SYT10: variants seen among roughly 807,000 people sequenced by gnomAD.
SYT10 encodes synaptotagmin-10.
Under a neutral mutation model 51.1 loss-of-function variants are expected in SYT10, and 31 were observed. The ratio of observed to expected loss-of-function variants is 0.61; its 90% CI spans 0.46 to 0.82. The LOEUF (loss-of-function observed/expected upper bound fraction) is 0.82. Ranked by LOEUF, SYT10 falls within the 40% of genes least tolerant of loss-of-function variation. The pLI is 0.00. For synonymous variants in SYT10, 233 were observed against 225.9 expected (o/e 1.03, Z -0.28); for missense variants, 603 against 634.0 (o/e 0.95, Z 0.53).
chr12:33,419,042 A>T (rs1306362317), intron 2 of SYT10, among the ~76,000 whole-genome samples: 2 of 152,026 alleles, frequency 1.3e-5, no homozygotes, highest in Non-Finnish European at 2.9e-5. Flanking sequence ...GGGCCTTTGC[A>T]GTGCCTGCCT....
chr12:33,403,624 C>T, intron 3 of SYT10, among the ~76,000 whole-genome samples: 1 of 152,134 alleles, frequency 6.6e-6, no homozygotes, highest in East Asian at 1.9e-4. Context: ...CTGTAGGTTT[C>T]CGCAGGACTT....
rs1866668844 is a variant in SYT10 at position 33,439,672 on chromosome 12, G to A, written c.-150C>T. The A allele has an allele frequency of 1.0e-6, 1 of 962,192 alleles. No individual in the cohort carries two copies. The highest frequency in any genetic ancestry group is 1.7e-5 in the African/African-American group (1 of 59,972). 59.6% of individuals were successfully genotyped at this position (962,192 alleles called of 1,614,324 possible). On this transcript the variant is annotated 5_prime_UTR_variant, in exon 1 of 7. Coordinates refer to ENST00000228567, the MANE Select transcript of SYT10 (RefSeq NM_198992.4). ...GCCGCTGAGAGCCGGCAACTCTTAG[G>A]AGCCCCACGTTGGCCCCATGGCGGG... is the stretch of plus-strand genomic sequence containing the variant.
At chr12:33,419,497 T>C (rs756238060) in intron 2 of SYT10, among the ~76,000 whole-genome samples, 10 of 152,196 alleles carry the variant, frequency 6.6e-5, no homozygotes, top group Non-Finnish European at 1.5e-4. Flanking sequence ...CCTTCAGTAA[T>C]TTACCTTTAT....
rs958883852 is a variant in SYT10 at position 33,382,472 on chromosome 12, T to C, written c.1247A>G (p.Lys416Arg). ...SLMCEGRRLK[K>R]RKTTTKKNTL... is the part of the protein sequence containing the mutation. ...GTTTTTCTTTGTAGTTGTTTTCCTC[T>C]TTTTTAATCTTCGACCTTCACACAT... Residue 416 changes from lysine to arginine, a missense_variant, in exon 5 of 7, where the codon AAG becomes AGG. Lys to Arg is a conservative substitution (Grantham distance 26). Coordinates refer to ENST00000228567, the MANE Select transcript of SYT10 (RefSeq NM_198992.4). 3 of 1,613,224 alleles carry C rather than the reference T, an allele frequency of 1.9e-6. No homozygotes were observed. Among genetic ancestry groups the C allele is most frequent in the Non-Finnish European group, 1.7e-6 (2 of 1,179,602 alleles).
intron 1 of SYT10, among the ~76,000 whole-genome samples, chr12:33,435,744 C>T (rs990197583): frequency 1.3e-5 from 2 of 152,064 alleles, no homozygotes; most frequent in African/African-American, 4.8e-5. Flanking sequence ...TAATTTTAAA[C>T]CTTTATCATA....
intron 1 of SYT10, among the ~76,000 whole-genome samples, chr12:33,434,638 T>C (rs1457960785): frequency 6.6e-6 from 1 of 152,100 alleles, no homozygotes; most frequent in Non-Finnish European, 1.5e-5. Flanking sequence ...AACCCCCGAC[T>C]CTACTAAAAA....
chr12:33,397,926 T>C (rs1233865716), intron 3 of SYT10, among the ~76,000 whole-genome samples: 1 of 151,580 alleles, frequency 6.6e-6, no homozygotes, highest in Non-Finnish European at 1.5e-5. Context: ...TTGAGTGAGG[T>C]GAAATTGATG....
chr12:33,377,268 G>C (rs2138377529), intron 6 of SYT10, among the ~76,000 whole-genome samples: 1 of 152,282 alleles, frequency 6.6e-6, no homozygotes, highest in South Asian at 2.1e-4. Context: ...TGCCTCCTGG[G>C]TTTAAGCGAT....
At chr12:33,406,202 T>C (rs1866351607) in intron 3 of SYT10, among the ~76,000 whole-genome samples, 1 of 152,096 alleles carries the variant, frequency 6.6e-6, no homozygotes, top group African/African-American at 2.4e-5. Flanking sequence ...AGAAAAAGTA[T>C]TTTGTAATGA....
intron 1 of SYT10, among the ~76,000 whole-genome samples, chr12:33,433,300 T>A (rs1007302042): frequency 6.6e-6 from 1 of 152,164 alleles, no homozygotes; most frequent in South Asian, 2.1e-4. Context: ...TCTTTTTCAG[T>A]CACATTTTGT....
Position 33,399,266 on chromosome 12 carries a change from G to A in SYT10, c.1077+7523C>T, listed in dbSNP as rs764292841. On this transcript the variant is annotated intron_variant, in intron 3 of 6. Coordinates refer to ENST00000228567, the MANE Select transcript of SYT10 (RefSeq NM_198992.4). ...GAGTCTATCACTGGAAGCACATATC[G>A]TACTGTGCTTACCCAGCAACTCTAG... is the stretch of plus-strand genomic sequence containing the variant. Among the ~76,000 whole-genome samples, 98 of 152,178 alleles carry A rather than the reference G, an allele frequency of 6.4e-4. 1 individual carries two copies. The highest frequency in any genetic ancestry group is 7.7e-4 in the East Asian group (4 of 5,178).
intron 3 of SYT10, 91 bp from the exon 4 acceptor site, chr12:33,385,382 T>C: frequency 6.6e-7 from 1 of 1,505,112 alleles, no homozygotes; most frequent in Non-Finnish European, 8.9e-7. Context: ...AATGTCATTT[T>C]AAATTGTTTT....
intron 2 of SYT10, among the ~76,000 whole-genome samples, chr12:33,424,238 A>T (rs553462810): frequency 4.2e-4 from 64 of 152,262 alleles, no homozygotes; most frequent in Admixed American, 1.8e-3. Flanking sequence ...ACGTGTTTTC[A>T]TTCTCCTCTA....
At chr12:33,428,450 G>A (rs1038552520) in intron 1 of SYT10, among the ~76,000 whole-genome samples, 1 of 152,200 alleles carries the variant, frequency 6.6e-6, no homozygotes, top group African/African-American at 2.4e-5. Flanking sequence ...GGTATTCACA[G>A]AAGCTGGGAG....
intron 3 of SYT10, 99 bp downstream of exon 3, chr12:33,406,690 A>G: frequency 2.9e-6 from 3 of 1,048,666 alleles, no homozygotes; most frequent in Admixed American, 5.6e-5. Context: ...CATAAATTCC[A>G]TAACTCTGCA....
At chr12:33,413,011 A>G (rs2138420933) in intron 2 of SYT10, among the ~76,000 whole-genome samples, 1 of 152,352 alleles carries the variant, frequency 6.6e-6, no homozygotes, top group South Asian at 2.1e-4. Flanking sequence ...GCTGAAAACC[A>G]CGGCACGAGA....
At chr12:33,388,048 G>A (rs1866173342) in intron 3 of SYT10, among the ~76,000 whole-genome samples, 4 of 152,174 alleles carry the variant, frequency 2.6e-5, no homozygotes, top group Admixed American at 6.5e-5. Context: ...ACGCAATGTG[G>A]AGATGGGGAA....
At chr12:33,433,198 G>A (rs1036202949) in intron 1 of SYT10, among the ~76,000 whole-genome samples, 2 of 152,134 alleles carry the variant, frequency 1.3e-5, no homozygotes, top group Non-Finnish European at 2.9e-5. Context: ...TTAGACAAAA[G>A]ACCTATAATA....
chr12:33,432,884 C>A (rs1398877132), intron 1 of SYT10: 1 of 152,012 alleles, frequency 6.6e-6, no homozygotes, highest in Non-Finnish European at 1.5e-5. Context: ...ATGATTCCCC[C>A]CTTCTGGCTC....
Sources: gnomAD v4.1 joint callset for allele counts (sites outside exome capture counted in the v4.1 genomes callset) on GRCh38, gnomAD v4.1.1 for gene constraint, MANE v1.5 for transcripts, NCBI Gene and HGNC (gene_info 2026-07-23, HGNC 2026-07-21) for gene names.